Variants in KAZN observed in about 807,000 individuals in gnomAD.
KAZN encodes kazrin.
Under a neutral mutation model 87.4 loss-of-function variants are expected in KAZN, and 40 were observed. That is an observed-to-expected ratio of 0.46 (90% confidence interval 0.36 to 0.60). KAZN has a LOEUF of 0.60. Ranked by LOEUF, KAZN falls within the 20% of genes least tolerant of loss-of-function variation. The pLI is 0.00. For missense variants in KAZN, 898 were observed against 1,073.9 expected (o/e 0.84, Z 2.29); for synonymous variants, 466 against 458.3 (o/e 1.02, Z -0.22).
intron 2 of KAZN, among the ~76,000 whole-genome samples, chr1:14,573,998 T>G (rs574126757): frequency 6.6e-6 from 1 of 152,284 alleles, no homozygotes; most frequent in Non-Finnish European, 1.5e-5. Context: ...AATTTTCCCC[T>G]GAAAATATAG....
intron 2 of KAZN, among the ~76,000 whole-genome samples, chr1:14,265,285 A>G (rs1200470568): frequency 1.3e-5 from 2 of 152,294 alleles, no homozygotes; most frequent in Non-Finnish European, 1.5e-5. Context: ...AGAGATGCTC[A>G]TACTTTGGAG....
intron 4 of KAZN, among the ~76,000 whole-genome samples, chr1:15,053,574 C>T (rs140678723): frequency 6.6e-6 from 1 of 152,168 alleles, no homozygotes; most frequent in Non-Finnish European, 1.5e-5. Flanking sequence ...ACATCATTTG[C>T]GCTGGTTGTT....
intron 2 of KAZN, among the ~76,000 whole-genome samples, chr1:14,464,733 G>T (rs1557738203): frequency 6.6e-6 from 1 of 151,808 alleles, no homozygotes; most frequent in South Asian, 2.1e-4. Context: ...TAGAGACAGG[G>T]TTTCACCATA....
At chr1:14,546,679 C>G (rs1328702178) in intron 2 of KAZN, among the ~76,000 whole-genome samples, 2 of 152,150 alleles carry the variant, frequency 1.3e-5, no homozygotes, top group African/African-American at 4.8e-5. Context: ...CACTTTATCA[C>G]TCTTGTTGCT....
chr1:13,922,134 G>A (rs1640091598), intron 1 of KAZN, among the ~76,000 whole-genome samples: 1 of 152,162 alleles, frequency 6.6e-6, no homozygotes, highest in African/African-American at 2.4e-5. Context: ...ACCCTTAGGT[G>A]CCTGGGCCCT....
intron 2 of KAZN, among the ~76,000 whole-genome samples, chr1:14,328,580 G>A (rs566890892): frequency 1.4e-4 from 22 of 151,974 alleles, no homozygotes; most frequent in African/African-American, 4.1e-4. Context: ...GTGAGCGCCC[G>A]TAGTCCCAGC....
chr1:14,658,565 T>G (rs901855266), intron 1 of KAZN, among the ~76,000 whole-genome samples: 4 of 152,104 alleles, frequency 2.6e-5, no homozygotes, highest in African/African-American at 9.7e-5. Context: ...TACATCAAAG[T>G]CTTTTGAGAA....
chr1:14,832,199 A>G (rs1647069278), intron 1 of KAZN, among the ~76,000 whole-genome samples: 2 of 150,614 alleles, frequency 1.3e-5, no homozygotes, highest in African/African-American at 2.4e-5. Flanking sequence ...TCCATCTCAA[A>G]AAAAAAAAAA....
At chr1:14,714,069 T>C (rs1193902185) in intron 1 of KAZN, among the ~76,000 whole-genome samples, 2 of 152,200 alleles carry the variant, frequency 1.3e-5, no homozygotes, top group Non-Finnish European at 1.5e-5. Context: ...TTTTTACTAA[T>C]TTTTTCCTTT....
chr1:14,561,446 G>A (rs529199692), intron 2 of KAZN, among the ~76,000 whole-genome samples: 1 of 152,274 alleles, frequency 6.6e-6, no homozygotes, highest in African/African-American at 2.4e-5. Context: ...TGGCTTGATT[G>A]GCTGCTTTGG....
chr1:14,588,705 A>C (rs915405256), intron 2 of KAZN, among the ~76,000 whole-genome samples: 11 of 152,234 alleles, frequency 7.2e-5, no homozygotes, highest in African/African-American at 1.9e-4. Context: ...CTAATGAATG[A>C]CAGGACAAGA....
chr1:14,801,204 C>G (rs1305093615), intron 1 of KAZN, among the ~76,000 whole-genome samples: 1 of 152,040 alleles, frequency 6.6e-6, no homozygotes, highest in Non-Finnish European at 1.5e-5. Context: ...GGAGCCGTCT[C>G]AGGGTGTTTC....
intron 2 of KAZN, among the ~76,000 whole-genome samples, chr1:14,474,286 A>G (rs1230242516): frequency 6.6e-6 from 1 of 152,180 alleles, no homozygotes; most frequent in Non-Finnish European, 1.5e-5. Context: ...ATAATTTATG[A>G]TAGGGGTAAA....
intron 1 of KAZN, among the ~76,000 whole-genome samples, chr1:14,721,988 C>T (rs1643133534): frequency 6.6e-6 from 1 of 151,948 alleles, no homozygotes; most frequent in Admixed American, 6.6e-5. Flanking sequence ...ACCCCCTTCT[C>T]TACTAAAAAT....
chr1:14,539,753 C>T (rs1672701632), intron 2 of KAZN, among the ~76,000 whole-genome samples: 2 of 151,310 alleles, frequency 1.3e-5, no homozygotes, highest in African/African-American at 4.9e-5. Flanking sequence ...TAGGCCCTGA[C>T]TTGATTCATT....
intron 1 of KAZN, among the ~76,000 whole-genome samples, chr1:14,796,614 G>A (rs1165639868): frequency 6.6e-6 from 1 of 152,230 alleles, no homozygotes; most frequent in Non-Finnish European, 1.5e-5. Flanking sequence ...GCATGGTTCG[G>A]CTCAGCTCTA....
intron 1 of KAZN, among the ~76,000 whole-genome samples, chr1:14,096,452 C>A (rs1475918290): frequency 6.6e-6 from 1 of 152,208 alleles, no homozygotes; most frequent in Non-Finnish European, 1.5e-5. Flanking sequence ...AGGTGCCTGC[C>A]TTCCATGGCT....
intron 1 of KAZN, among the ~76,000 whole-genome samples, chr1:14,004,270 A>T (rs746784123): frequency 3.9e-5 from 6 of 152,220 alleles, no homozygotes; most frequent in Non-Finnish European, 8.8e-5. Context: ...TATATTGCTG[A>T]TAGTGGTGTA....
At chr1:14,703,326 G>A (rs1325282744) in intron 1 of KAZN, among the ~76,000 whole-genome samples, 1 of 152,178 alleles carries the variant, frequency 6.6e-6, no homozygotes, top group Non-Finnish European at 1.5e-5. Flanking sequence ...TCATGGGAGG[G>A]ACCAGGTAGA....
Sources: gnomAD v4.1 joint callset for allele counts (sites outside exome capture counted in the v4.1 genomes callset) on GRCh38, gnomAD v4.1.1 for gene constraint, MANE v1.5 for transcripts, NCBI Gene and HGNC (gene_info 2026-07-23, HGNC 2026-07-21) for gene names.